Variants in SKAP1 observed in about 807,000 individuals in gnomAD.
SKAP1 encodes src kinase associated phosphoprotein 1, also known as src kinase-associated phosphoprotein 1.
SKAP1 carries 44 observed loss-of-function variants against 58.5 expected under a neutral mutation model. That is an observed-to-expected ratio of 0.75 (90% CI 0.59 to 0.97). The LOEUF (loss-of-function observed/expected upper bound fraction) is 0.97. SKAP1 is among the 50% of genes least tolerant of loss of function. The pLI is 0.00. For synonymous variants in SKAP1, 127 were observed against 149.7 expected (o/e 0.85, Z 1.11); for missense variants, 390 against 435.2 (o/e 0.90, Z 0.92).
At chr17:48,384,606 A>G (rs991122406) in intron 2 of SKAP1, among the ~76,000 whole-genome samples, 19 of 152,210 alleles carry the variant, frequency 1.2e-4, no homozygotes, top group Admixed American at 1.2e-3. Flanking sequence ...CAACTATAAG[A>G]CTATCCTGTG....
At chr17:48,257,141 T>C (rs1227064165) in intron 4 of SKAP1, among the ~76,000 whole-genome samples, 1 of 152,022 alleles carries the variant, frequency 6.6e-6, no homozygotes, top group Non-Finnish European at 1.5e-5. Flanking sequence ...TTTTTTTTTG[T>C]ATTTTAAAAG....
rs377114095 is a variant in SKAP1 at position 48,328,955 on chromosome 17, T to C, written c.280+16950A>G. ...ATTTTTCTAGAGCTGTGGTCTTCAA[T>C]TTGGTAGCCACTTGCTACATATGGC... On this transcript the variant is annotated intron_variant, in intron 4 of 12. Coordinates refer to ENST00000336915, the MANE Select transcript of SKAP1 (RefSeq NM_003726.4). Among the ~76,000 whole-genome samples the C allele has an allele frequency of 2.0e-5, 3 of 152,352 alleles. No individual in the cohort carries two copies. The East Asian group carries it at 5.8e-4, about 29-fold the overall frequency.
intron 4 of SKAP1, among the ~76,000 whole-genome samples, chr17:48,269,039 A>G (rs1408982451): frequency 6.6e-6 from 1 of 152,116 alleles, no homozygotes. Flanking sequence ...TAGATGTAAT[A>G]TACTAATATA....
intron 4 of SKAP1, among the ~76,000 whole-genome samples, chr17:48,248,726 A>G (rs1004204758): frequency 2.0e-5 from 3 of 152,216 alleles, no homozygotes; most frequent in Non-Finnish European, 4.4e-5. Context: ...TCAACATGTG[A>G]TATCAATCAA....
intron 4 of SKAP1, among the ~76,000 whole-genome samples, chr17:48,233,407 T>A (rs1390867220): frequency 6.6e-6 from 1 of 152,190 alleles, no homozygotes; most frequent in Non-Finnish European, 1.5e-5. Context: ...TTTGTTGAAC[T>A]GTGTTGTCCC....
intron 4 of SKAP1, among the ~76,000 whole-genome samples, chr17:48,242,506 C>A (rs1567835061): frequency 6.6e-6 from 1 of 152,174 alleles, no homozygotes; most frequent in Non-Finnish European, 1.5e-5. Context: ...CAACCAAAAA[C>A]TATGAGTTTA....
At chr17:48,301,283 A>T (rs1185479757) in intron 4 of SKAP1, among the ~76,000 whole-genome samples, 1 of 152,054 alleles carries the variant, frequency 6.6e-6, no homozygotes, top group African/African-American at 2.4e-5. Flanking sequence ...ATGAGCAAAG[A>T]TCTTCTTGTT....
chr17:48,156,489 C>A (rs759274065), intron 11 of SKAP1: 8 of 527,252 alleles, frequency 1.5e-5, no homozygotes, highest in Non-Finnish European at 3.1e-5. Flanking sequence ...GTGGCTTGAG[C>A]TGCATCCTGG....
chr17:48,264,023 A>C (rs1268872869), intron 4 of SKAP1, among the ~76,000 whole-genome samples: 2 of 151,830 alleles, frequency 1.3e-5, no homozygotes, highest in East Asian at 3.9e-4. Context: ...CTAGGACTAG[A>C]GGAATTCAAT....
intron 4 of SKAP1, among the ~76,000 whole-genome samples, chr17:48,319,835 G>A (rs1449579892): frequency 6.6e-6 from 1 of 151,990 alleles, no homozygotes; most frequent in Non-Finnish European, 1.5e-5. Flanking sequence ...GAGTGAGACC[G>A]TGTCTCAAAA....
intron 4 of SKAP1, among the ~76,000 whole-genome samples, chr17:48,259,758 T>A (rs979348674): frequency 6.6e-6 from 1 of 152,150 alleles, no homozygotes; most frequent in African/African-American, 2.4e-5. Flanking sequence ...ACAAAACCCA[T>A]GCCTTTAAAA....
chr17:48,419,096 G>A (rs1013254775), intron 1 of SKAP1, among the ~76,000 whole-genome samples: 4 of 151,604 alleles, frequency 2.6e-5, no homozygotes, highest in Non-Finnish European at 5.9e-5. Context: ...AGGGAGGGAG[G>A]AAGAGAGGAA....
chr17:48,188,714 A>G (rs2143517826), intron 5 of SKAP1, among the ~76,000 whole-genome samples: 1 of 150,886 alleles, frequency 6.6e-6, no homozygotes, highest in East Asian at 2.0e-4. Flanking sequence ...AAGAAAAAAA[A>G]AAGGCCGGGT....
chr17:48,309,373 T>C (rs535324731), intron 4 of SKAP1, among the ~76,000 whole-genome samples: 1 of 152,298 alleles, frequency 6.6e-6, no homozygotes, highest in South Asian at 2.1e-4. Context: ...CCCCTGCTTC[T>C]AACATAAATA....
intron 4 of SKAP1, among the ~76,000 whole-genome samples, chr17:48,322,736 A>G (rs1206439534): frequency 2.6e-5 from 4 of 152,196 alleles, no homozygotes; most frequent in African/African-American, 9.7e-5. Flanking sequence ...TATTAGAAAA[A>G]CCTGCCCTCT....
chr17:48,295,819 C>A (rs757107497), intron 4 of SKAP1, among the ~76,000 whole-genome samples: 4 of 151,766 alleles, frequency 2.6e-5, no homozygotes, highest in Admixed American at 6.6e-5. Flanking sequence ...AAAGATATCA[C>A]CGAGAGTGAT....
At chr17:48,307,809 G>A (rs1296375022) in intron 4 of SKAP1, 1 of 152,070 alleles carries the variant, frequency 6.6e-6, no homozygotes, top group Non-Finnish European at 1.5e-5. Flanking sequence ...TCATATTAAA[G>A]AGGATAATGT....
chr17:48,430,336 C>T (rs1024707849), upstream of SKAP1: 1 of 260,080 alleles, frequency 3.8e-6, no homozygotes, highest in Non-Finnish European at 7.2e-6. Flanking sequence ...GGCGTGGGTG[C>T]ACGTGGCGCT....
At chr17:48,367,631 T>C (rs1034408038) in intron 2 of SKAP1, among the ~76,000 whole-genome samples, 1 of 147,608 alleles carries the variant, frequency 6.8e-6, no homozygotes, top group African/African-American at 2.5e-5. Context: ...TTTAAAAAAA[T>C]CTGAGGTCAG....
Sources: allele counts gnomAD v4.1 joint callset (sites outside exome capture counted in the v4.1 genomes callset), GRCh38; gene constraint gnomAD v4.1.1; transcripts MANE v1.5; gene names NCBI Gene and HGNC (gene_info 2026-07-23, HGNC 2026-07-21).